Variants in MOCOS observed in about 807,000 individuals in gnomAD.
MOCOS encodes the protein human molybdenum cofactor sulfurase.
Under a neutral mutation model 83.6 loss-of-function variants are expected in MOCOS, and 86 were observed. The observed-to-expected ratio is 1.03, with a 90% confidence interval of 0.86 to 1.23. The LOEUF is 1.23. Among genes scored for constraint, MOCOS ranks in the 50% most tolerant of loss-of-function variants. MOCOS has a pLI of 0.00. For missense variants in MOCOS, 1,120 were observed against 1,126.9 expected, an observed-to-expected ratio of 0.99 and a Z score of 0.09; for synonymous variants, 445 against 434.7, an observed-to-expected ratio of 1.02 and a Z score of -0.29.
At chr18:36,266,391 C>T (rs2091682013) in intron 13 of MOCOS, among the ~76,000 whole-genome samples, 1 of 152,118 alleles carries the variant, frequency 6.6e-6, no homozygotes, top group African/African-American at 2.4e-5. Flanking sequence ...CCGCCTCTGC[C>T]TCCCGAAGTG....
At chr18:36,233,319 C>T (rs1443693512) in intron 9 of MOCOS, among the ~76,000 whole-genome samples, 1 of 152,116 alleles carries the variant, frequency 6.6e-6, no homozygotes, top group East Asian at 1.9e-4. Context: ...TAATGGTCTC[C>T]AACTCTATCC....
intron 9 of MOCOS, among the ~76,000 whole-genome samples, chr18:36,242,214 C>A (rs1185920967): frequency 1.3e-5 from 2 of 152,214 alleles, no homozygotes; most frequent in Admixed American, 6.5e-5. Flanking sequence ...AATTTCAGAT[C>A]ATCTCTCTCA....
rs146525295 is a variant in MOCOS, at chr18:36,191,506, T to C, written c.143-3751T>C. Among the ~76,000 whole-genome samples, 1,465 of 152,338 alleles carry C rather than the reference T, an allele frequency of 9.6e-3. 34 individuals are homozygous for C. The highest frequency in any genetic ancestry group is 0.033 in the African/African-American group (1,388 of 41,572). On this transcript the variant is annotated intron_variant, in intron 1 of 14. Transcript: ENST00000261326. ...TCACCCAGGCTGGAATGCAGTGGCA[T>C]GATCATAGCTCACTGCCGCCTTGAC... is the stretch of plus-strand genomic sequence containing the variant.
At chr18:36,239,365 A>T (rs1426021635) in intron 9 of MOCOS, among the ~76,000 whole-genome samples, 1 of 148,294 alleles carries the variant, frequency 6.7e-6, no homozygotes, top group Non-Finnish European at 1.5e-5. Flanking sequence ...GCTTGTCTGT[A>T]AAGTATTTTA....
intron 9 of MOCOS, among the ~76,000 whole-genome samples, chr18:36,243,324 G>A (rs116471796): frequency 0.018 from 2,763 of 152,116 alleles, 81 homozygotes; most frequent in African/African-American, 0.063. Context: ...ATCATAAAGC[G>A]TTGCTGGATT....
intron 6 of MOCOS, among the ~76,000 whole-genome samples, chr18:36,212,257 T>C (rs1485679814): frequency 6.6e-6 from 1 of 152,212 alleles, no homozygotes; most frequent in Non-Finnish European, 1.5e-5. Context: ...ATGAGCTGCA[T>C]AAAATGGTTG....
rs753552875 is a variant in MOCOS, at chr18:36,215,575, G to A, written c.1395G>A (p.Val465=). 1.7e-5 allele frequency: 28 copies of A among 1,614,196 alleles called. No homozygotes were observed. In the South Asian group the frequency reaches 2.7e-4, roughly 16 times the overall value. Residue 465 remains valine (V), a synonymous_variant, in exon 8 of 15, where the codon GTG becomes GTA. Transcript: ENST00000261326. The part of the protein sequence containing the change: ...DLIDGQPTGS[V]RISFGYMSTL... ...TAGATGGGCAGCCCACAGGATCTGT[G>A]AGGATTTCATTTGGATACATGTCGA... is the stretch of plus-strand genomic sequence containing the variant.
chr18:36,203,174 C>T lies in MOCOS; in HGVS notation c.1003C>T (p.Leu335=), dbSNP rs371343208. Reference sequence around the variant, plus strand: ...CGCGCTAAAACATGGATTTGACACCCTAGAGCGCCTCACAGGTCAGTGGAC... The same window carrying T: ...CGCGCTAAAACATGGATTTGACACCTTAGAGCGCCTCACAGGTCAGTGGAC... ...VIALKHGFDT[L]ERLTGGMENI... The change falls in exon 5 of 15, where the codon CTA becomes TTA. Residue 335 remains leucine (L), a synonymous_variant. Coordinates refer to ENST00000261326, the MANE Select transcript of MOCOS (RefSeq NM_017947.4). The T allele has an allele frequency of 3.1e-6, 5 of 1,613,954 alleles. No individual in the cohort carries two copies. In the African/African-American group the frequency reaches 6.7e-5, roughly 22 times the overall value.
At chr18:36,229,771 G>C (rs766791897) in intron 9 of MOCOS, among the ~76,000 whole-genome samples, 6 of 151,540 alleles carry the variant, frequency 4.0e-5, no homozygotes, top group Non-Finnish European at 8.8e-5. Flanking sequence ...TTCTTTTGCT[G>C]ATCTAGTCTG....
At chr18:36,198,050 G>C (rs2091396613) in intron 2 of MOCOS, among the ~76,000 whole-genome samples, 1 of 152,070 alleles carries the variant, frequency 6.6e-6, no homozygotes, top group Non-Finnish European at 1.5e-5. Flanking sequence ...TGCTTTTGAA[G>C]TTCTTTCATG....
chr18:36,215,161 T>C lies in MOCOS; in HGVS notation c.1336-355T>C, dbSNP rs918997959. Reference sequence around the variant, plus strand: ...TCCCATCTCAGCCCCGGGTAGACCTTGAGGTTGACCCCTTGGTGCTTCTGA... The same window carrying C: ...TCCCATCTCAGCCCCGGGTAGACCTCGAGGTTGACCCCTTGGTGCTTCTGA... On this transcript the variant is annotated intron_variant, in intron 7 of 14. Transcript: ENST00000261326. 2.0e-5 allele frequency among the ~76,000 whole-genome samples: 3 copies of C among 152,226 alleles called. No individual in the cohort carries two copies. In the East Asian group the frequency reaches 5.8e-4, roughly 29 times the overall value.
chr18:36,212,417 C>T (rs2144913120), intron 6 of MOCOS, among the ~76,000 whole-genome samples: 1 of 152,228 alleles, frequency 6.6e-6, no homozygotes, highest in East Asian at 1.9e-4. Context: ...CTAGTAGTTG[C>T]CTTGTGACGG....
chr18:36,212,029 G>A (rs144744563), intron 6 of MOCOS, among the ~76,000 whole-genome samples: 27 of 152,324 alleles, frequency 1.8e-4, no homozygotes, highest in Middle Eastern at 3.4e-3. Context: ...ACATGGAGAC[G>A]CCAAGCTCAG....
chr18:36,262,275 A>ACACACACACACACACACACACT (rs1480956436), intron 13 of MOCOS, among the ~76,000 whole-genome samples: 12 of 151,310 alleles, frequency 7.9e-5, no homozygotes, highest in African/African-American at 2.7e-4. Flanking sequence ...ACACACACAC[A>ACACACACACACACACACACACT]CGAAAAATTA....
At chr18:36,261,598 A>C (rs903001565) in intron 13 of MOCOS, among the ~76,000 whole-genome samples, 2 of 152,168 alleles carry the variant, frequency 1.3e-5, no homozygotes, top group African/African-American at 4.8e-5. Context: ...ATAGGAAATA[A>C]ATTGCATGGC....
Position 36,219,102 on chromosome 18 carries a change from C to G in MOCOS, c.1798-953C>G, listed in dbSNP as rs997744284. On this transcript the variant is annotated intron_variant, in intron 8 of 14. Coordinates refer to ENST00000261326, the MANE Select transcript of MOCOS (RefSeq NM_017947.4). ...CAGGATGGTCTTGAACTCCTGACCTCGTGATCTGCCCGCCTCAGTCTCCCA... is the reference window on the plus strand; with the variant it reads ...CAGGATGGTCTTGAACTCCTGACCTGGTGATCTGCCCGCCTCAGTCTCCCA... Among the ~76,000 whole-genome samples, 4 of 149,558 alleles carry G rather than the reference C, an allele frequency of 2.7e-5. No homozygotes were observed. In the South Asian group the frequency reaches 8.5e-4, roughly 32 times the overall value.
intron 13 of MOCOS, among the ~76,000 whole-genome samples, chr18:36,262,739 C>T (rs374815831): frequency 2.6e-5 from 4 of 152,170 alleles, no homozygotes; most frequent in Admixed American, 6.5e-5. Context: ...GCTCAAGTGA[C>T]GTGCTAGCCT....
chr18:36,200,870 T>G (rs2091411166), intron 4 of MOCOS, among the ~76,000 whole-genome samples: 1 of 152,228 alleles, frequency 6.6e-6, no homozygotes, highest in Non-Finnish European at 1.5e-5. Context: ...GCAACCTCTA[T>G]GAGCCCCACT....
At chr18:36,220,013 T>C (rs1165702505) in intron 8 of MOCOS, 42 bp from the exon 9 acceptor site, 3 of 1,611,988 alleles carry the variant, frequency 1.9e-6, no homozygotes, top group Non-Finnish European at 2.5e-6. Context: ...AAGACCAACT[T>C]TGGGGAGCCC....
Sources: gnomAD v4.1 joint callset for allele counts (sites outside exome capture counted in the v4.1 genomes callset) on GRCh38, gnomAD v4.1.1 for gene constraint, MANE v1.5 for transcripts, NCBI Gene and HGNC (gene_info 2026-07-23, HGNC 2026-07-21) for gene names.